Variants in RPS6KC1 observed in about 807,000 individuals in gnomAD.
RPS6KC1 encodes the protein ribosomal protein S6 kinase C1, also known as inactive ribosomal protein S6 kinase delta-1.
RPS6KC1 carries 54 observed loss-of-function variants against 103.8 expected under a neutral mutation model. That is an observed-to-expected ratio of 0.52 (90% CI 0.42 to 0.65). RPS6KC1 has a LOEUF of 0.65. Ranked by LOEUF, RPS6KC1 falls within the 30% of genes least tolerant of loss-of-function variation. RPS6KC1 has a pLI of 0.00. For missense variants in RPS6KC1, 1,151 were observed against 1,253.8 expected (o/e 0.92, Z 1.24); for synonymous variants, 439 against 438.7 (o/e 1.00, Z -0.01).
At chr1:213,094,142 A>C (rs143054626) in intron 3 of RPS6KC1, among the ~76,000 whole-genome samples, 1 of 151,656 alleles carries the variant, frequency 6.6e-6, no homozygotes, top group Non-Finnish European at 1.5e-5. Context: ...TTTTTTTCCA[A>C]ATTCATGGAT....
the RPS6KC1 span, among the ~76,000 whole-genome samples, chr1:213,556,555 T>C: frequency 2.7e-4 from 41 of 152,172 alleles, no homozygotes; most frequent in African/African-American, 9.7e-4. Context: ...GGAACTTATA[T>C]TAAGAATATG....
the RPS6KC1 span, among the ~76,000 whole-genome samples, chr1:213,698,645 GTA>G: frequency 9.6e-4 from 144 of 150,594 alleles, 1 homozygote; most frequent in African/African-American, 3.2e-3. Flanking sequence ...ATTTGTGCCT[GTA>G]TATATATATA....
chr1:213,058,034 C>G (rs193253622), intron 1 of RPS6KC1, among the ~76,000 whole-genome samples: 171 of 141,072 alleles, frequency 1.2e-3, no homozygotes, highest in African/African-American at 3.3e-3. Flanking sequence ...TTCCAAAGTG[C>G]TGGGATTACA....
chr1:213,658,724 G>T, the RPS6KC1 span, among the ~76,000 whole-genome samples: 1 of 152,186 alleles, frequency 6.6e-6, no homozygotes, highest in African/African-American at 2.4e-5. Context: ...ACAAGTCCAA[G>T]GTAATTAGCT....
chr1:213,626,048 A>G, the RPS6KC1 span, among the ~76,000 whole-genome samples: 1 of 152,222 alleles, frequency 6.6e-6, no homozygotes, highest in African/African-American at 2.4e-5. Context: ...TCCCACCAAC[A>G]GTGTAAAAGT....
At chr1:213,805,595 C>T in the RPS6KC1 span, among the ~76,000 whole-genome samples, 9 of 152,202 alleles carry the variant, frequency 5.9e-5, no homozygotes, top group African/African-American at 2.2e-4. Context: ...TTGCTATTTC[C>T]ACTACATCTG....
the RPS6KC1 span, among the ~76,000 whole-genome samples, chr1:213,381,469 G>A: frequency 1.1e-4 from 16 of 152,110 alleles, 1 homozygote; most frequent in East Asian, 2.5e-3. Flanking sequence ...CTGAATGAGA[G>A]GAGGGGGGCA....
chr1:213,591,033 C>T, the RPS6KC1 span, among the ~76,000 whole-genome samples: 2,086 of 152,282 alleles, frequency 0.014, 51 homozygotes, highest in African/African-American at 0.047. Context: ...TCCCCATGAG[C>T]TGGCACTTCT....
chr1:213,783,187 G>A, the RPS6KC1 span, among the ~76,000 whole-genome samples: 1 of 152,278 alleles, frequency 6.6e-6, no homozygotes, highest in African/African-American at 2.4e-5. Flanking sequence ...AAGGCGCATC[G>A]GATGCGATGG....
At chr1:213,522,545 G>A in the RPS6KC1 span, among the ~76,000 whole-genome samples, 1 of 152,340 alleles carries the variant, frequency 6.6e-6, no homozygotes, top group East Asian at 1.9e-4. Flanking sequence ...GTCCTAGATA[G>A]CATCTTCTTC....
At chr1:213,360,804 G>A in the RPS6KC1 span, among the ~76,000 whole-genome samples, 2 of 152,190 alleles carry the variant, frequency 1.3e-5, no homozygotes, top group African/African-American at 4.8e-5. Flanking sequence ...CAGATCTGTT[G>A]GAGTTTGCTG....
intron 8 of RPS6KC1, among the ~76,000 whole-genome samples, chr1:213,213,654 A>G (rs1274043001): frequency 6.6e-6 from 1 of 152,234 alleles, no homozygotes. Flanking sequence ...AAACATTGCC[A>G]ATCATATTTC....
the RPS6KC1 span, among the ~76,000 whole-genome samples, chr1:213,450,664 T>C: frequency 1.2e-4 from 19 of 152,270 alleles, no homozygotes; most frequent in South Asian, 3.9e-3. Flanking sequence ...TCATAGAACT[T>C]ATCTCTGGGC....
intron 14 of RPS6KC1, among the ~76,000 whole-genome samples, chr1:213,265,084 A>G (rs1178413243): frequency 1.3e-5 from 2 of 152,158 alleles, no homozygotes; most frequent in South Asian, 2.1e-4. Flanking sequence ...TCATGCCCTC[A>G]TTGCTCAGCT....
chr1:213,338,305 C>A, the RPS6KC1 span, among the ~76,000 whole-genome samples: 1 of 152,234 alleles, frequency 6.6e-6, no homozygotes. Flanking sequence ...CCCTCCTGCT[C>A]TTGGCTTCTC....
chr1:213,104,350 C>T (rs963858637), intron 3 of RPS6KC1, 104 bp from the exon 4 acceptor site: 8 of 660,280 alleles, frequency 1.2e-5, no homozygotes, highest in Middle Eastern at 2.6e-4. Flanking sequence ...AGCAAAGCAA[C>T]TAAGTGATAG....
intron 8 of RPS6KC1, among the ~76,000 whole-genome samples, chr1:213,180,982 C>T (rs756585392): frequency 4.6e-5 from 7 of 152,070 alleles, no homozygotes; most frequent in Non-Finnish European, 7.4e-5. Flanking sequence ...TGTTACTTTC[C>T]TGGTTTTGAT....
chr1:213,711,116 A>G, the RPS6KC1 span, among the ~76,000 whole-genome samples: 1 of 152,188 alleles, frequency 6.6e-6, no homozygotes. Flanking sequence ...ATGTTTTCCA[A>G]CTTGGTTCCA....
At chr1:213,418,047 A>G in the RPS6KC1 span, among the ~76,000 whole-genome samples, 20 of 152,060 alleles carry the variant, frequency 1.3e-4, no homozygotes, top group Non-Finnish European at 2.6e-4. Context: ...CCCAGCTTCC[A>G]TGGGAGCAAA....
Sources: gnomAD v4.1 joint callset for allele counts (sites outside exome capture counted in the v4.1 genomes callset) on GRCh38, gnomAD v4.1.1 for gene constraint, MANE v1.5 for transcripts, NCBI Gene and HGNC (gene_info 2026-07-23, HGNC 2026-07-21) for gene names.